CACNA1C: variants seen among roughly 807,000 people sequenced by gnomAD.
The protein encoded by CACNA1C is calcium voltage-gated channel subunit alpha1 C.
In CACNA1C, 30 loss-of-function variants were observed where a neutral mutation model predicts 229.0. The observed-to-expected ratio is 0.13, with a 90% CI of 0.10 to 0.18. CACNA1C has a LOEUF of 0.18. CACNA1C is among the 10% of genes least tolerant of loss of function. The probability of loss-of-function intolerance (pLI) is 1.00; values close to 1 mark genes in which losing one functional copy is unlikely to be tolerated. For synonymous variants in CACNA1C, 1,114 were observed against 1,132.5 expected (o/e 0.98, Z 0.33); for missense variants, 1,658 against 2,845.0 (o/e 0.58, Z 9.49).
chr12:2,302,848 T>C (rs530750677), intron 3 of CACNA1C, among the ~76,000 whole-genome samples: 58 of 152,354 alleles, frequency 3.8e-4, no homozygotes, highest in African/African-American at 1.3e-3. Flanking sequence ...GTGTTCTAAT[T>C]TGGGACCAGG....
intron 3 of CACNA1C, among the ~76,000 whole-genome samples, chr12:2,147,528 C>T (rs2154206935): frequency 6.6e-6 from 1 of 151,060 alleles, no homozygotes; most frequent in South Asian, 2.1e-4. Context: ...CTCTTTGTGA[C>T]AAATGTTAGA....
At chr12:2,046,220 T>C (rs949788588) in intron 1 of CACNA1C, among the ~76,000 whole-genome samples, 2 of 152,224 alleles carry the variant, frequency 1.3e-5, no homozygotes, top group African/African-American at 2.4e-5. Flanking sequence ...GCTCGCACTT[T>C]GTGAAGGCCT....
rs370883428 is a variant in CACNA1C, at chr12:2,498,003, A to ACACACACACACACACACAC, written c.1113+4617_1113+4618insCACACACACACACACACAC. ...CACACACACACACACACACACACAC[A>ACACACACACACACACACAC]ACAGCTATTAATCTCTTGGTATTGG... On this transcript the variant is annotated intron_variant, in intron 7 of 46. Coordinates refer to ENST00000399655, the MANE Select transcript of CACNA1C (RefSeq NM_000719.7). 5.4e-5 allele frequency among the ~76,000 whole-genome samples: 8 copies of ACACACACACACACACACAC among 149,136 alleles called. No homozygotes were observed. In the East Asian group the frequency reaches 5.9e-4, roughly 11 times the overall value.
In CACNA1C at chr12:2,585,408, TGGAGAAGCC is replaced by T. The variant is rs1568588335; in HGVS notation, c.2375_2383del (p.Glu792_Pro794del). 1 of 1,612,106 alleles carries T rather than the reference TGGAGAAGCC, an allele frequency of 6.2e-7. No individual in the cohort carries two copies. The highest frequency in any genetic ancestry group is 8.5e-7 in the Non-Finnish European group (1 of 1,179,054). ...AGCCCAGAGAAGAAACAAGAGTTGG[TGGAGAAGCC>T]GGCAGTGGGGGAATCCAAGGAGGAG... On this transcript the variant is annotated inframe_deletion, in exon 17 of 47. Coordinates refer to ENST00000399655, the MANE Select transcript of CACNA1C (RefSeq NM_000719.7). The surrounding 1 kb of genome is among the most constrained non-coding windows in gnomAD (Gnocchi z 4.1).
At chr12:2,066,526 A>G (rs910592368) in intron 1 of CACNA1C, among the ~76,000 whole-genome samples, 2 of 152,098 alleles carry the variant, frequency 1.3e-5, no homozygotes, top group Non-Finnish European at 2.9e-5. Flanking sequence ...GCTGGATTGA[A>G]TGATTGGGCT....
At chr12:2,272,835 G>A (rs897219142) in intron 3 of CACNA1C, among the ~76,000 whole-genome samples, 1 of 152,230 alleles carries the variant, frequency 6.6e-6, no homozygotes, top group Admixed American at 6.5e-5. Context: ...TTGGACACAT[G>A]TTCGTAGGCC....
intron 38 of CACNA1C, among the ~76,000 whole-genome samples, chr12:2,672,668 C>G (rs1033202309): frequency 2.6e-5 from 4 of 152,170 alleles, no homozygotes; most frequent in Admixed American, 6.5e-5. Context: ...TGGAAGGACA[C>G]CAGCCACATT....
intron 8 of CACNA1C, among the ~76,000 whole-genome samples, chr12:2,506,594 A>G (rs1466907707): frequency 6.6e-6 from 1 of 152,170 alleles, no homozygotes; most frequent in Non-Finnish European, 1.5e-5. Flanking sequence ...TTATAACTAG[A>G]AGTATAGAAT....
intron 1 of CACNA1C, chr12:2,019,918 C>G (rs2046143652): frequency 6.6e-6 from 1 of 152,160 alleles, no homozygotes; most frequent in South Asian, 2.1e-4. Flanking sequence ...ATGTTTCTTA[C>G]TATGCAGCAT....
chr12:2,492,528 T>C (rs1360808308), intron 6 of CACNA1C, among the ~76,000 whole-genome samples: 7 of 152,232 alleles, frequency 4.6e-5, no homozygotes. Flanking sequence ...ACTCACAGGC[T>C]GTAAGGAAAA....
intron 9 of CACNA1C, among the ~76,000 whole-genome samples, chr12:2,515,368 A>G (rs1263242940): frequency 6.6e-6 from 1 of 152,218 alleles, no homozygotes; most frequent in Non-Finnish European, 1.5e-5. Flanking sequence ...AAAAAAGGTA[A>G]GACAGTGGCT....
chr12:2,232,176 A>G (rs995885295), intron 3 of CACNA1C, among the ~76,000 whole-genome samples: 3 of 147,002 alleles, frequency 2.0e-5, no homozygotes, highest in African/African-American at 7.6e-5. Flanking sequence ...ACATTTAGTC[A>G]TCGTGTCTCC....
At chr12:2,282,029 C>CT (rs1233124627) in intron 3 of CACNA1C, among the ~76,000 whole-genome samples, 1 of 151,978 alleles carries the variant, frequency 6.6e-6, no homozygotes. Context: ...TGAATCTTCT[C>CT]TTTTTTTGCC....
At chr12:2,012,843 G>A (rs141760062) in intron 1 of CACNA1C, among the ~76,000 whole-genome samples, 1 of 152,166 alleles carries the variant, frequency 6.6e-6, no homozygotes, top group Non-Finnish European at 1.5e-5. Flanking sequence ...ATAAGAGCTT[G>A]GATGCTCCCT....
chr12:2,175,091 C>G (rs532001947), intron 3 of CACNA1C, among the ~76,000 whole-genome samples: 5 of 152,062 alleles, frequency 3.3e-5, no homozygotes, highest in Non-Finnish European at 7.4e-5. Flanking sequence ...GCATGCATCT[C>G]TAACAGACAA....
intron 3 of CACNA1C, among the ~76,000 whole-genome samples, chr12:2,265,776 C>T (rs375695897): frequency 1.6e-4 from 24 of 152,336 alleles, no homozygotes; most frequent in African/African-American, 5.3e-4. Context: ...CCTGAGTGCT[C>T]CCGCCCCCTT....
intron 34 of CACNA1C, among the ~76,000 whole-genome samples, chr12:2,655,706 A>G (rs368953677): frequency 5.3e-5 from 8 of 152,178 alleles, no homozygotes; most frequent in African/African-American, 1.2e-4. Flanking sequence ...CCTCAACACA[A>G]TACTAGCAAA....
chr12:2,288,358 A>G (rs2093013099), intron 3 of CACNA1C, among the ~76,000 whole-genome samples: 1 of 152,180 alleles, frequency 6.6e-6, no homozygotes. Flanking sequence ...CTTCCTGGAC[A>G]GTTCAGGAAC....
At chr12:2,502,814 A>G (rs964135117) in intron 7 of CACNA1C, among the ~76,000 whole-genome samples, 12 of 152,228 alleles carry the variant, frequency 7.9e-5, no homozygotes, top group African/African-American at 2.4e-4. Context: ...GGCTGAGGGT[A>G]TTACTATCCC....
Sources: gnomAD v4.1 joint callset for allele counts (sites outside exome capture counted in the v4.1 genomes callset) on GRCh38, gnomAD v4.1.1 for gene constraint, Gnocchi (gnomAD v3.1) non-coding constraint, MANE v1.5 for transcripts, NCBI Gene and HGNC (gene_info 2026-07-23, HGNC 2026-07-21) for gene names.